ABCB4: variants seen among roughly 807,000 people sequenced by gnomAD.
ABCB4 encodes phosphatidylcholine translocator ABCB4.
A neutral mutation model predicts 145.7 loss-of-function variants in ABCB4; 76 were observed. That is an observed-to-expected ratio of 0.52 (90% CI 0.43 to 0.63). The LOEUF (loss-of-function observed/expected upper bound fraction) is 0.63. Ranked by LOEUF, ABCB4 falls within the 30% of genes least tolerant of loss-of-function variation. The pLI is 0.00. For synonymous variants in ABCB4, 517 were observed against 566.8 expected, an observed-to-expected ratio of 0.91 and a Z score of 1.25; for missense variants, 1,234 against 1,553.1, an observed-to-expected ratio of 0.79 and a Z score of 3.45.
rs1260349819 is a variant in ABCB4 at position 87,402,086 on chromosome 7, T to C, written c.*10A>G. On this transcript the variant is annotated 3_prime_UTR_variant, in exon 28 of 28. Transcript: ENST00000649586. ...TTGAATTTATTTTTAAAATATACTG[T>C]AGCAAAAGTTCATAAGTTCTGTGTC... The C allele has an allele frequency of 6.2e-7, 1 of 1,613,878 alleles. No homozygotes were observed. The highest frequency in any genetic ancestry group is 8.5e-7 in the Non-Finnish European group (1 of 1,179,892).
downstream of ABCB4, chr7:87,399,569 C>G (rs762857810): frequency 2.0e-5 from 3 of 152,056 alleles, no homozygotes; most frequent in Non-Finnish European, 2.9e-5. Flanking sequence ...CACATAAAAC[C>G]GTAACAAAAT....
chr7:87,450,468 A>ATTTTT (rs373293934), intron 7 of ABCB4, among the ~76,000 whole-genome samples: 7 of 131,222 alleles, frequency 5.3e-5, no homozygotes, highest in African/African-American at 1.8e-4. Context: ...TTGTGTCACA[A>ATTTTT]TTTTTTTTTT....
downstream of ABCB4, among the ~76,000 whole-genome samples, chr7:87,400,129 G>A (rs142471733): frequency 6.6e-6 from 1 of 152,252 alleles, no homozygotes; most frequent in Non-Finnish European, 1.5e-5. Flanking sequence ...AAGGTCCCTT[G>A]AGGCCTAGGC....
chr7:87,416,841 G>T (rs145473616), intron 21 of ABCB4, among the ~76,000 whole-genome samples: 552 of 152,312 alleles, frequency 3.6e-3, no homozygotes, highest in African/African-American at 0.013. Context: ...AAGCCCAATT[G>T]CCATTATAGT....
intron 26 of ABCB4, among the ~76,000 whole-genome samples, chr7:87,404,168 G>A (rs1440310205): frequency 1.3e-5 from 2 of 152,182 alleles, no homozygotes; most frequent in African/African-American, 4.8e-5. Flanking sequence ...AAAATGAAAG[G>A]GTTTTAAAAT....
At position 87,409,096 on chromosome 7, in the gene ABCB4, T is replaced by C. The variant is rs1808419865; in HGVS notation, c.3081+140A>G. The C allele has an allele frequency of 3.8e-6, 4 of 1,050,162 alleles. No individual in the cohort carries two copies. The South Asian group carries it at 5.7e-5, about 15-fold the overall frequency. The allele number at this position is 1,050,162 out of a possible 1,614,324, so 65.1% of individuals were successfully genotyped here. A position where few individuals can be genotyped will look rare whatever the true frequency, so the allele number is the denominator to read the frequency against. ...TTAAATGTCAGTCAAGTTGCCCAAA[T>C]ATTAGCTATATAAATATTACAAATT... On this transcript the variant is annotated intron_variant, in intron 24 of 27. Transcript: ENST00000649586.
intron 16 of ABCB4, among the ~76,000 whole-genome samples, chr7:87,426,224 A>G (rs532227769): frequency 3.4e-4 from 51 of 152,230 alleles, no homozygotes; most frequent in African/African-American, 1.2e-3. Context: ...GAGGATGGAA[A>G]CCTGATGCCA....
chr7:87,443,532 A>G (rs74661469), intron 11 of ABCB4, 88 bp from the exon 12 acceptor site: 2 of 1,531,916 alleles, frequency 1.3e-6, no homozygotes, highest in Non-Finnish European at 9.0e-7. Flanking sequence ...TTGAAAAAAA[A>G]GTATCAAATA....
chr7:87,395,317 T>C, the ABCB4 span, among the ~76,000 whole-genome samples: 2 of 152,212 alleles, frequency 1.3e-5, no homozygotes, highest in Non-Finnish European at 2.9e-5. Context: ...GCTGATTAGA[T>C]GGTGCCCTCC....
At chr7:87,398,500 T>C (rs913110374), downstream of ABCB4, 1 of 1,612,352 alleles carries the variant, frequency 6.2e-7, no homozygotes, top group African/African-American at 1.3e-5. Context: ...TGTGTAATCA[T>C]TAATCATTAT....
In ABCB4 at chr7:87,418,614, T is replaced by A. The variant is rs374462551; in HGVS notation, c.2401A>T (p.Ser801Cys). 1.3e-5 allele frequency: 21 copies of A among 1,614,000 alleles called. No homozygotes were observed. The African/African-American group carries it at 2.7e-4, about 21-fold the overall frequency. The stretch of plus-strand genomic sequence containing the variant: ...CTGTTTTTATGGTCATCAAACCAGC[T>A]CATGTCCTATGGCATAAAATACACG... ...AFKAMLRQDM[S>C]WFDDHKNSTG... The change falls in exon 20 of 28, where the codon AGC becomes TGC. Residue 801 changes from serine to cysteine, a missense_variant. Physicochemically the swap from Ser to Cys is moderately radical, Grantham distance 112. Coordinates refer to ENST00000649586, the MANE Select transcript of ABCB4 (RefSeq NM_000443.4).
chr7:87,448,627 C>T (rs745348339), intron 8 of ABCB4: 1 of 152,242 alleles, frequency 6.6e-6, no homozygotes, highest in Non-Finnish European at 1.5e-5. Context: ...TTAGGTGGCT[C>T]GCTTACCGGG....
the ABCB4 span, among the ~76,000 whole-genome samples, chr7:87,389,259 G>A: frequency 2.6e-5 from 4 of 152,030 alleles, no homozygotes; most frequent in Admixed American, 6.6e-5. Flanking sequence ...TTGATCCAGC[G>A]ATCCCATTGC....
intron 20 of ABCB4, 25 bp downstream of exon 20, chr7:87,418,512 T>C: frequency 6.2e-7 from 1 of 1,607,900 alleles, no homozygotes; most frequent in Non-Finnish European, 8.5e-7. Flanking sequence ...TGTAAAAAAC[T>C]ACAAGTAGAG....
At chr7:87,399,986 G>T (rs1191289354), downstream of ABCB4, among the ~76,000 whole-genome samples, 1 of 152,056 alleles carries the variant, frequency 6.6e-6, no homozygotes, top group African/African-American at 2.4e-5. Context: ...GACTGAGGCT[G>T]GAAAGTTTAA....
rs1807924256 is a variant in ABCB4 at position 87,403,119 on chromosome 7, G to T, written c.3633+16C>A. On this transcript the variant is annotated intron_variant, in intron 27 of 27. Transcript: ENST00000649586. Reference sequence around the variant, plus strand: ...TCATAAATTAAATAAGACATAAGTTGGGAGGCCACACACACCTTTTCACTT... The same window carrying T: ...TCATAAATTAAATAAGACATAAGTTTGGAGGCCACACACACCTTTTCACTT... 2 of 1,613,540 alleles carry T rather than the reference G, an allele frequency of 1.2e-6. No homozygotes were observed. The highest frequency in any genetic ancestry group is 1.7e-6 in the Non-Finnish European group (2 of 1,179,546).
chr7:87,422,205 A>G lies in ABCB4; in HGVS notation c.2232T>C (p.Asp744=), dbSNP rs527667994. ...EIIAIFGPGD[D]AVKQQKCNIF... ...TGTTGCACTTCTGCTGCTTCACTGC[A>G]TCATCGCCTGGTCCAAAAATCTACA... Residue 744 remains aspartate (D), a synonymous_variant, in exon 18 of 28, where the codon GAT becomes GAC. Coordinates refer to ENST00000649586, the MANE Select transcript of ABCB4 (RefSeq NM_000443.4). 1.1e-5 allele frequency: 18 copies of G among 1,613,642 alleles called. 1 individual carries two copies. In the South Asian group the frequency reaches 1.5e-4, roughly 14 times the overall value.
At chr7:87,414,313 C>T (rs1808824084) in intron 21 of ABCB4, among the ~76,000 whole-genome samples, 1 of 152,180 alleles carries the variant, frequency 6.6e-6, no homozygotes, top group Non-Finnish European at 1.5e-5. Context: ...AACCGTGAGG[C>T]CCTGGGGCTT....
chr7:87,411,860 T>C (rs1249489265), intron 23 of ABCB4, 33 bp downstream of exon 23: 3 of 1,602,256 alleles, frequency 1.9e-6, no homozygotes, highest in East Asian at 2.2e-5. Flanking sequence ...AACCTTATTA[T>C]AGAATAATCT....
Sources: gnomAD v4.1 joint callset for allele counts (sites outside exome capture counted in the v4.1 genomes callset) on GRCh38, gnomAD v4.1.1 for gene constraint, MANE v1.5 for transcripts, NCBI Gene and HGNC (gene_info 2026-07-23, HGNC 2026-07-21) for gene names.